The following PCTP variants were observed in gnomAD, a reference collection of about 807,000 sequenced individuals.
PCTP encodes START domain-containing protein 2.
PCTP carries 27 observed loss-of-function variants against 31.0 expected under a neutral mutation model. That is an observed-to-expected ratio of 0.87 (90% CI 0.64 to 1.20). PCTP has a LOEUF of 1.20. Among genes scored for constraint, PCTP ranks in the 50% most tolerant of loss-of-function variants. The pLI, the probability that PCTP is intolerant of heterozygous loss-of-function variation, is 0.00. For missense variants in PCTP, 287 were observed against 268.2 expected, an observed-to-expected ratio of 1.07 and a Z score of -0.49; for synonymous variants, 108 against 101.2, an observed-to-expected ratio of 1.07 and a Z score of -0.40.
chr17:55,758,808 A>G (rs920546194), intron 1 of PCTP, among the ~76,000 whole-genome samples: 14 of 152,162 alleles, frequency 9.2e-5, no homozygotes, highest in Non-Finnish European at 8.8e-5. Flanking sequence ...GCCTGTGGGT[A>G]TGAGGCCATG....
At chr17:55,780,026 T>C (rs1326822700), downstream of PCTP, among the ~76,000 whole-genome samples, 4 of 151,372 alleles carry the variant, frequency 2.6e-5, no homozygotes, top group Admixed American at 2.6e-4. Flanking sequence ...GGCAAAAAAA[T>C]GTAAGCAGGT....
intron 1 of PCTP, among the ~76,000 whole-genome samples, chr17:55,761,363 A>C (rs1203205904): frequency 2.0e-5 from 3 of 151,968 alleles, no homozygotes; most frequent in Non-Finnish European, 4.4e-5. Context: ...TTGTATTGTT[A>C]ATAAATCATC....
chr17:55,790,370 G>A (rs1911913559), intron 3 of PCTP, among the ~76,000 whole-genome samples: 1 of 152,110 alleles, frequency 6.6e-6, no homozygotes, highest in South Asian at 2.1e-4. Context: ...AATTGTCCCT[G>A]TTTGCAAACG....
chr17:55,771,247 C>T (rs748520225), intron 3 of PCTP, 62 bp downstream of exon 3: 2 of 1,252,046 alleles, frequency 1.6e-6, no homozygotes, highest in Non-Finnish European at 2.3e-6. Flanking sequence ...TCCTCAGCTG[C>T]AGTCTATTGC....
downstream of PCTP, among the ~76,000 whole-genome samples, chr17:55,778,693 G>T (rs554497287): frequency 6.6e-6 from 1 of 152,202 alleles, no homozygotes; most frequent in South Asian, 2.1e-4. Context: ...CTGTTAAGGG[G>T]TGGCTTTGCT....
downstream of PCTP, among the ~76,000 whole-genome samples, chr17:55,778,169 T>TA (rs1028492846): frequency 2.1e-5 from 3 of 145,614 alleles, no homozygotes; most frequent in African/African-American, 7.7e-5. Flanking sequence ...TGAGGTTATG[T>TA]AGGAAACTGA....
At chr17:55,756,278 G>A (rs1390233298) in intron 1 of PCTP, among the ~76,000 whole-genome samples, 2 of 152,182 alleles carry the variant, frequency 1.3e-5, no homozygotes, top group African/African-American at 4.8e-5. Flanking sequence ...ATGATGAAAT[G>A]TCCAGTGGAA....
At chr17:55,769,700 T>C (rs191808076) in intron 2 of PCTP, 6 of 152,300 alleles carry the variant, frequency 3.9e-5, no homozygotes, top group Non-Finnish European at 8.8e-5. Context: ...CTTTTTGCTC[T>C]CAACTTGCTA....
chr17:55,822,731 A>T (rs751918138), intron 3 of PCTP: 66 of 1,213,086 alleles, frequency 5.4e-5, no homozygotes, highest in Non-Finnish European at 6.6e-5. Flanking sequence ...ACTTACTCTC[A>T]TCCTTTGCTC....
rs1468697168 is a variant in PCTP, at chr17:55,834,958, AT to A, written n.506-7768del. Among the ~76,000 whole-genome samples, 3 of 152,174 alleles carry A rather than the reference AT, an allele frequency of 2.0e-5. No homozygotes were observed. In the East Asian group the frequency reaches 5.8e-4, roughly 29 times the overall value. On this transcript the variant is annotated intron_variant and non_coding_transcript_variant, in intron 5 of 5. Coordinates refer to the PCTP transcript ENST00000576221. ...GTTATTGCAGATGTAATGAGTTAAG[AT>A]AAGGTCATTCTAGAATAGGGTGGGC...
chr17:55,771,241 C>A, intron 3 of PCTP, 56 bp downstream of exon 3: 1 of 1,344,618 alleles, frequency 7.4e-7, no homozygotes, highest in Non-Finnish European at 1.1e-6. Flanking sequence ...CTGTGTTCCT[C>A]AGCTGCAGTC....
At chr17:55,852,411 A>G in the PCTP span, among the ~76,000 whole-genome samples, 3 of 152,188 alleles carry the variant, frequency 2.0e-5, no homozygotes, top group Non-Finnish European at 1.5e-5. Flanking sequence ...GAGTCATACA[A>G]CTTCACCAGG....
rs113997750 is a variant in PCTP, at chr17:55,837,248, A to C, written n.506-5479A>C. ...CATAATGCTGCAAGCAGTGGGTGGT[A>C]ATAACAAGATTTCAGACAATGGCAA... On this transcript the variant is annotated intron_variant and non_coding_transcript_variant, in intron 5 of 5. Coordinates refer to the PCTP transcript ENST00000576221. Among the ~76,000 whole-genome samples, 672 of 152,338 alleles carry C rather than the reference A, an allele frequency of 4.4e-3. 8 individuals carry two copies. Among genetic ancestry groups the C allele is most frequent in the African/African-American group, 0.015 (637 of 41,580 alleles).
chr17:55,773,663 C>T lies in PCTP; in HGVS notation c.340-61C>T, dbSNP rs760601214. 56 of 1,505,354 alleles carry T rather than the reference C, an allele frequency of 3.7e-5. No individual in the cohort carries two copies. In the South Asian group the frequency reaches 5.6e-4, roughly 15 times the overall value. 93.2% of individuals were successfully genotyped at this position (1,505,354 alleles called of 1,614,324 possible). ...ACCTCCCTTTGCTTCCAGCTTGTGG[C>T]GCTTTCCTTCTGTCTGTCTACAATG... On this transcript the variant is annotated intron_variant, in intron 3 of 5. Transcript: ENST00000268896.
intron 3 of PCTP, among the ~76,000 whole-genome samples, chr17:55,802,257 A>G (rs1261144858): frequency 6.6e-6 from 1 of 152,200 alleles, no homozygotes; most frequent in Admixed American, 6.5e-5. Flanking sequence ...TCAGGACCAG[A>G]TGGATTAACA....
At chr17:55,796,986 T>C (rs1451664768) in intron 3 of PCTP, among the ~76,000 whole-genome samples, 1 of 151,932 alleles carries the variant, frequency 6.6e-6, no homozygotes, top group Non-Finnish European at 1.5e-5. Flanking sequence ...AGTTCAAGGA[T>C]AATATTACTG....
chr17:55,847,040 A>G (rs988072687), downstream of PCTP, among the ~76,000 whole-genome samples: 3 of 152,236 alleles, frequency 2.0e-5, no homozygotes, highest in Non-Finnish European at 2.9e-5. Flanking sequence ...ATTGCCATGT[A>G]GTAGCCTTTC....
chr17:55,785,287 A>T (rs1257885043), intron 2 of PCTP, among the ~76,000 whole-genome samples: 1 of 152,256 alleles, frequency 6.6e-6, no homozygotes, highest in East Asian at 1.9e-4. Flanking sequence ...CTAGTAGCTG[A>T]GACCCTCAGT....
At chr17:55,786,191 G>A (rs545469194) in intron 2 of PCTP, among the ~76,000 whole-genome samples, 5 of 152,252 alleles carry the variant, frequency 3.3e-5, no homozygotes, top group Admixed American at 6.5e-5. Flanking sequence ...GCTGAGGCAC[G>A]AAAATAACTT....
Sources: allele counts gnomAD v4.1 joint callset (sites outside exome capture counted in the v4.1 genomes callset), GRCh38; gene constraint gnomAD v4.1.1; transcripts MANE v1.5; gene names NCBI Gene and HGNC (gene_info 2026-07-23, HGNC 2026-07-21).